SVIL: variants seen among roughly 807,000 people sequenced by gnomAD.
SVIL encodes supervillin, also known as archvillin.
SVIL carries 101 observed loss-of-function variants against 240.4 expected under a neutral mutation model. That is an observed-to-expected ratio of 0.42 (90% CI 0.36 to 0.50). The LOEUF (loss-of-function observed/expected upper bound fraction) is 0.50, where lower values mean the gene tolerates loss of function less well. Among genes scored for constraint, SVIL ranks in the 20% least tolerant of loss-of-function variants. The pLI, the probability that SVIL is intolerant of heterozygous loss-of-function variation, is 0.01. For synonymous variants in SVIL, 999 were observed against 1,100.0 expected, an observed-to-expected ratio of 0.91 and a Z score of 1.82; for missense variants, 2,512 against 2,818.7, an observed-to-expected ratio of 0.89 and a Z score of 2.46.
At chr10:29,512,694 G>A (rs760763928) in intron 17 of SVIL, 41 bp downstream of exon 17, 1 of 1,613,888 alleles carries the variant, frequency 6.2e-7, no homozygotes, top group Non-Finnish European at 8.5e-7. Flanking sequence ...TTCCAAGAGT[G>A]ATGTTAGTCG....
At chr10:29,523,031 G>A (rs987421498) in intron 15 of SVIL, among the ~76,000 whole-genome samples, 4 of 152,158 alleles carry the variant, frequency 2.6e-5, no homozygotes, top group Non-Finnish European at 4.4e-5. Context: ...AAGGGCCCAC[G>A]CAGTGTAGCT....
chr10:29,711,087 C>CA (rs1343939066), intron 1 of SVIL, among the ~76,000 whole-genome samples: 3 of 151,256 alleles, frequency 2.0e-5, no homozygotes, highest in Non-Finnish European at 3.0e-5. Context: ...GCACACACAC[C>CA]AAAAAAACAA....
chr10:29,591,723 G>A (rs911789618), intron 1 of SVIL, among the ~76,000 whole-genome samples: 1 of 152,202 alleles, frequency 6.6e-6, no homozygotes, highest in Non-Finnish European at 1.5e-5. Context: ...GGTGCTATAG[G>A]ATATACCAGG....
chr10:29,505,981 G>T (rs372633694), intron 17 of SVIL, among the ~76,000 whole-genome samples: 3 of 152,142 alleles, frequency 2.0e-5, no homozygotes, highest in African/African-American at 7.2e-5. Flanking sequence ...GCACATCCCC[G>T]CTGTGTACTT....
At chr10:29,692,875 C>T (rs12260505) in intron 1 of SVIL, among the ~76,000 whole-genome samples, 7,406 of 152,150 alleles carry the variant, frequency 0.049, 343 homozygotes, top group African/African-American at 0.12. Flanking sequence ...TTCCTAACAA[C>T]TACTCCCAAA....
At chr10:29,522,720 G>C in intron 15 of SVIL, 85 bp from the exon 16 acceptor site, 2 of 1,451,578 alleles carry the variant, frequency 1.4e-6, no homozygotes, top group Non-Finnish European at 1.9e-6. Flanking sequence ...GCAGCTCTCA[G>C]GGTTCAATCC....
chr10:29,674,341 G>A (rs537522475), intron 2 of SVIL, among the ~76,000 whole-genome samples: 2 of 152,060 alleles, frequency 1.3e-5, no homozygotes, highest in African/African-American at 4.8e-5. Flanking sequence ...AAAAAAAGTG[G>A]GGGGTGTTTC....
At chr10:29,525,903 G>A (rs1269117733) in intron 13 of SVIL, among the ~76,000 whole-genome samples, 2 of 152,180 alleles carry the variant, frequency 1.3e-5, no homozygotes, top group Admixed American at 6.5e-5. Context: ...AGAGTCCTCC[G>A]TGGACCTCGT....
intron 2 of SVIL, among the ~76,000 whole-genome samples, chr10:29,563,952 G>A (rs1312301918): frequency 1.3e-5 from 2 of 150,472 alleles, no homozygotes; most frequent in Non-Finnish European, 2.9e-5. Flanking sequence ...ATCTCCCCAT[G>A]TATCCCCCAG....
intron 16 of SVIL, among the ~76,000 whole-genome samples, chr10:29,520,342 G>A (rs1950480365): frequency 6.6e-6 from 1 of 152,106 alleles, no homozygotes; most frequent in African/African-American, 2.4e-5. Flanking sequence ...TTGGGTTTCT[G>A]GGATGAAACT....
chr10:29,536,518 C>A (rs1357689839), intron 6 of SVIL, among the ~76,000 whole-genome samples: 1 of 152,108 alleles, frequency 6.6e-6, no homozygotes, highest in African/African-American at 2.4e-5. Flanking sequence ...CATGGAGTTT[C>A]CAGGACATGT....
chr10:29,569,032 T>C (rs1465838032), intron 2 of SVIL, among the ~76,000 whole-genome samples: 1 of 152,224 alleles, frequency 6.6e-6, no homozygotes, highest in East Asian at 1.9e-4. Context: ...CCTTTAAAAG[T>C]TTGCAATGAC....
At chr10:29,637,016 C>T (rs1475112377), upstream of SVIL, among the ~76,000 whole-genome samples, 1 of 152,080 alleles carries the variant, frequency 6.6e-6, no homozygotes, top group African/African-American at 2.4e-5. Context: ...ATTAGGTTGG[C>T]CAGGCTTGTC....
chr10:29,620,221 T>C (rs1438081416), intron 1 of SVIL, among the ~76,000 whole-genome samples: 2 of 148,098 alleles, frequency 1.4e-5, no homozygotes, highest in South Asian at 2.1e-4. Context: ...GTCTTGAAGA[T>C]GAAAGGGGAG....
chr10:29,716,473 A>G (rs1407394026), intron 1 of SVIL, among the ~76,000 whole-genome samples: 1 of 152,238 alleles, frequency 6.6e-6, no homozygotes, highest in Non-Finnish European at 1.5e-5. Flanking sequence ...AGAGGAAGGT[A>G]AGCAAAAAGC....
intron 30 of SVIL, among the ~76,000 whole-genome samples, chr10:29,473,203 A>G (rs74129297): frequency 0.084 from 12,811 of 151,926 alleles, 1,747 homozygotes; most frequent in African/African-American, 0.29. Flanking sequence ...AGCCGCTTAG[A>G]CTGCAGTGTG....
At chr10:29,587,014 A>C (rs1391627200) in intron 1 of SVIL, among the ~76,000 whole-genome samples, 1 of 152,254 alleles carries the variant, frequency 6.6e-6, no homozygotes, top group Admixed American at 6.5e-5. Flanking sequence ...CCTATATAAC[A>C]AATCTGCACA....
At chr10:29,485,612 C>T (rs1173922290) in intron 26 of SVIL, among the ~76,000 whole-genome samples, 2 of 152,156 alleles carry the variant, frequency 1.3e-5, no homozygotes, top group Admixed American at 1.3e-4. Flanking sequence ...TAAGGGCCTG[C>T]GTGTCTTCCA....
intron 23 of SVIL, among the ~76,000 whole-genome samples, chr10:29,488,122 G>A (rs1197930500): frequency 2.0e-5 from 3 of 152,058 alleles, no homozygotes; most frequent in Non-Finnish European, 4.4e-5. Flanking sequence ...AATGCAGGTG[G>A]GCTTCATCTG....
Sources: allele counts gnomAD v4.1 joint callset (sites outside exome capture counted in the v4.1 genomes callset), GRCh38; gene constraint gnomAD v4.1.1; transcripts MANE v1.5; gene names NCBI Gene and HGNC (gene_info 2026-07-23, HGNC 2026-07-21).